ZCCHC14: variants seen among roughly 807,000 people sequenced by gnomAD.
ZCCHC14 encodes the protein zinc finger CCHC domain-containing protein 14.
Under a neutral mutation model 85.0 loss-of-function variants are expected in ZCCHC14, and 16 were observed. That is an observed-to-expected ratio of 0.19 (90% CI 0.13 to 0.29). ZCCHC14 has a LOEUF of 0.29. Among genes scored for constraint, ZCCHC14 ranks in the 10% least tolerant of loss-of-function variants. ZCCHC14 has a pLI of 1.00. For synonymous variants in ZCCHC14, 775 were observed against 630.7 expected (o/e 1.23, Z -3.43); for missense variants, 1,303 against 1,443.5 (o/e 0.90, Z 1.58).
In ZCCHC14 at chr16:87,491,912, G is replaced by C. The variant is rs1173587480; in HGVS notation, c.327C>G (p.Leu109=). 6.6e-6 allele frequency: 10 copies of C among 1,513,212 alleles called. No homozygotes were observed. In the Admixed American group the frequency reaches 1.2e-4, roughly 19 times the overall value. 93.7% of individuals were successfully genotyped at this position (1,513,212 alleles called of 1,614,324 possible). A position where few individuals can be genotyped will look rare whatever the true frequency, so the allele number is the denominator to read the frequency against. The part of the protein sequence containing the change: ...REAAGVLYRT[L]THIDSIIHNY... ...TGTGGATGATGGAGTCGATGTGCGT[G>C]AGCGTGCGGTAGAGCACGCCCGCCG... is the stretch of plus-strand genomic sequence containing the variant. Residue 109 remains leucine (L), a synonymous_variant, in exon 1 of 13, where the codon CTC becomes CTG. Coordinates refer to ENST00000671377, the MANE Select transcript of ZCCHC14 (RefSeq NM_015144.3). The surrounding 1 kb of genome is among the most constrained non-coding windows in gnomAD (Gnocchi z 5.9).
At chr16:87,468,261 A>G (rs1377320235) in intron 1 of ZCCHC14, among the ~76,000 whole-genome samples, 1 of 152,178 alleles carries the variant, frequency 6.6e-6, no homozygotes, top group Non-Finnish European at 1.5e-5. Context: ...TTCCTTAAAT[A>G]GTGGTATTCA....
At chr16:87,448,982 C>T (rs1302766572) in intron 2 of ZCCHC14, among the ~76,000 whole-genome samples, 1 of 152,230 alleles carries the variant, frequency 6.6e-6, no homozygotes, top group Non-Finnish European at 1.5e-5. Flanking sequence ...CGTGTGCCGG[C>T]CCAAGCTCGG....
At chr16:87,452,329 G>A (rs1567529799) in intron 2 of ZCCHC14, among the ~76,000 whole-genome samples, 1 of 152,220 alleles carries the variant, frequency 6.6e-6, no homozygotes. Context: ...CATGCTGGGT[G>A]GGCGACTGCA....
chr16:87,420,763 C>CA lies in ZCCHC14; in HGVS notation c.841-48dup. 1 of 1,507,138 alleles carries CA rather than the reference C, an allele frequency of 6.6e-7. No homozygotes were observed. The highest frequency in any genetic ancestry group is 9.0e-7 in the Non-Finnish European group (1 of 1,109,650). The allele number at this position is 1,507,138 out of a possible 1,614,324, so 93.4% of individuals were successfully genotyped here. ...AGGAGGTGTGTCCAGACCCATCCAA[C>CA]ACCAGCAGAATTCTGCTACTGCAGG... On this transcript the variant is annotated intron_variant, in intron 4 of 12. Coordinates refer to ENST00000671377, the MANE Select transcript of ZCCHC14 (RefSeq NM_015144.3). This position sits in a 1 kb window ranked among gnomAD's most constrained non-coding sequence, Gnocchi z 5.0.
At chr16:87,423,722 G>A in intron 4 of ZCCHC14, 88 bp downstream of exon 4, 1 of 1,451,866 alleles carries the variant, frequency 6.9e-7, no homozygotes, top group Non-Finnish European at 9.6e-7. Context: ...TAGCTGAAGG[G>A]AGTGGCCTCT....
intron 3 of ZCCHC14, among the ~76,000 whole-genome samples, chr16:87,425,096 C>T (rs1240802996): frequency 1.3e-5 from 2 of 152,202 alleles, no homozygotes; most frequent in East Asian, 1.9e-4. Flanking sequence ...CGTCACATCA[C>T]GTAGCGTCAC....
Position 87,417,736 on chromosome 16 carries a change from C to G in ZCCHC14, c.1107G>C (p.Val369=). 6.3e-7 allele frequency: 1 copy of G among 1,591,930 alleles called. No individual in the cohort carries two copies. The highest frequency in any genetic ancestry group is 8.5e-7 in the Non-Finnish European group (1 of 1,170,694). Residue 369 remains valine, a synonymous_variant, in exon 8 of 13, where the codon GTG becomes GTC. Coordinates refer to ENST00000671377, the MANE Select transcript of ZCCHC14 (RefSeq NM_015144.3). ...AGGACGGGATACCAGCCACTCCACACACAGGCCTGTGGGACAGGGGCAGGA... is the reference window on the plus strand; with the variant it reads ...AGGACGGGATACCAGCCACTCCACAGACAGGCCTGTGGGACAGGGGCAGGA... The part of the protein sequence containing the change: ...GTVMGVSGRP[V]CGVAGIPSSQ...
intron 2 of ZCCHC14, among the ~76,000 whole-genome samples, chr16:87,453,767 T>G (rs988602951): frequency 3.9e-5 from 6 of 152,132 alleles, no homozygotes; most frequent in Non-Finnish European, 7.4e-5. Context: ...CAATCTAGAA[T>G]TAGACATTCA....
intron 2 of ZCCHC14, among the ~76,000 whole-genome samples, chr16:87,451,877 C>G (rs1402201813): frequency 6.6e-6 from 1 of 152,232 alleles, no homozygotes; most frequent in African/African-American, 2.4e-5. Context: ...ATTCAGATGT[C>G]TTGGTTTGAA....
chr16:87,434,978 G>A (rs1342151868), intron 2 of ZCCHC14, among the ~76,000 whole-genome samples: 1 of 94,154 alleles, frequency 1.1e-5, no homozygotes, highest in Admixed American at 1.7e-4. Context: ...GCAACAAAGT[G>A]AGACTTCGCC....
At chr16:87,429,756 G>C (rs530581028) in intron 3 of ZCCHC14, among the ~76,000 whole-genome samples, 288 of 152,322 alleles carry the variant, frequency 1.9e-3, no homozygotes, top group African/African-American at 6.4e-3. Flanking sequence ...ACAGGTACCA[G>C]CTACCACGCC....
intron 1 of ZCCHC14, 88 bp from the exon 2 acceptor site, chr16:87,460,219 A>C: frequency 1.3e-6 from 2 of 1,502,856 alleles, no homozygotes; most frequent in Non-Finnish European, 1.8e-6. Context: ...TTTCATAATT[A>C]CCTTGGTTTC....
chr16:87,433,995 G>T (rs1770102009), intron 2 of ZCCHC14, among the ~76,000 whole-genome samples: 1 of 152,184 alleles, frequency 6.6e-6, no homozygotes, highest in Non-Finnish European at 1.5e-5. Flanking sequence ...GCAAGGATGA[G>T]GAGACCAGAA....
At chr16:87,456,200 A>T (rs1195523551) in intron 2 of ZCCHC14, among the ~76,000 whole-genome samples, 1 of 152,194 alleles carries the variant, frequency 6.6e-6, no homozygotes. Context: ...ATCCCAGCAC[A>T]ACCCAGGAAA....
At position 87,466,387 on chromosome 16, in the gene ZCCHC14, C is replaced by T. The variant is rs1054095120; in HGVS notation, c.571-6256G>A. Among the ~76,000 whole-genome samples the T allele has an allele frequency of 9.2e-5, 14 of 152,234 alleles. No homozygotes were observed. In the East Asian group the frequency reaches 1.9e-3, roughly 21 times the overall value. The stretch of plus-strand genomic sequence containing the variant: ...CGGCAGCCTCGGTCTGCAGAAGACT[C>T]GCTGCACCCCACTGGTGGGCATTTG... On this transcript the variant is annotated intron_variant, in intron 1 of 12. Coordinates refer to ENST00000671377, the MANE Select transcript of ZCCHC14 (RefSeq NM_015144.3).
intron 2 of ZCCHC14, among the ~76,000 whole-genome samples, chr16:87,437,108 A>C (rs1465419817): frequency 5.3e-5 from 8 of 152,010 alleles, no homozygotes; most frequent in Non-Finnish European, 1.2e-4. Flanking sequence ...AGGCTGAGGC[A>C]GGTGGATCAC....
chr16:87,478,264 A>C (rs1912112436), intron 1 of ZCCHC14, among the ~76,000 whole-genome samples: 1 of 152,242 alleles, frequency 6.6e-6, no homozygotes, highest in Non-Finnish European at 1.5e-5. Context: ...TAGACCAGCC[A>C]CTAAAATCAC....
chr16:87,414,050 G>C (rs150939878), intron 10 of ZCCHC14, among the ~76,000 whole-genome samples: 1 of 152,362 alleles, frequency 6.6e-6, no homozygotes, highest in Non-Finnish European at 1.5e-5. Context: ...GGTGTGATTT[G>C]AAATCTAATG....
rs1908473598 is a variant in ZCCHC14, at chr16:87,411,974, G to A, written c.2747C>T (p.Ala916Val). The A allele has an allele frequency of 1.2e-6, 2 of 1,603,808 alleles. No homozygotes were observed. Among genetic ancestry groups the A allele is most frequent in the Non-Finnish European group, 1.7e-6 (2 of 1,176,544 alleles). Reference sequence around the variant, plus strand: ...CACAATGCAGCCTGGCGGGGGTGGGGCGGGCTGCGGGGGTGCCGGGGGCTG... The same window carrying A: ...CACAATGCAGCCTGGCGGGGGTGGGACGGGCTGCGGGGGTGCCGGGGGCTG... The part of the protein sequence containing the change: ...HQQPPAPPQP[A>V]PPPPGCIVCT... The change falls in exon 12 of 13, where the codon GCC becomes GTC. Residue 916 changes from alanine to valine, a missense_variant. Transcript: ENST00000671377.
Sources: gnomAD v4.1 joint callset for allele counts (sites outside exome capture counted in the v4.1 genomes callset) on GRCh38, gnomAD v4.1.1 for gene constraint, Gnocchi (gnomAD v3.1) non-coding constraint, MANE v1.5 for transcripts, NCBI Gene and HGNC (gene_info 2026-07-23, HGNC 2026-07-21) for gene names.